Variants in CNTNAP5 observed in about 807,000 individuals in gnomAD.
CNTNAP5 encodes contactin-associated protein-like 5.
CNTNAP5 carries 72 observed loss-of-function variants against 150.2 expected under a neutral mutation model. That is an observed-to-expected ratio of 0.48 (90% CI 0.40 to 0.58). The LOEUF is 0.58. CNTNAP5 is among the 20% of genes least tolerant of loss of function. The pLI is 0.00. For missense variants in CNTNAP5, 1,636 were observed against 1,626.2 expected, an observed-to-expected ratio of 1.01 and a Z score of -0.10; for synonymous variants, 672 against 619.8, an observed-to-expected ratio of 1.08 and a Z score of -1.25.
At chr2:124,720,929 A>G (rs1680035856) in intron 13 of CNTNAP5, among the ~76,000 whole-genome samples, 2 of 152,084 alleles carry the variant, frequency 1.3e-5, no homozygotes, top group African/African-American at 2.4e-5. Flanking sequence ...ATACTTTAAG[A>G]TGGTAAAATT....
intron 14 of CNTNAP5, among the ~76,000 whole-genome samples, chr2:124,753,325 G>A (rs1680770943): frequency 6.6e-6 from 1 of 152,142 alleles, no homozygotes; most frequent in Non-Finnish European, 1.5e-5. Context: ...CTGTTACAGA[G>A]AAATTATTTA....
At chr2:124,123,257 C>T (rs1683610356) in intron 1 of CNTNAP5, among the ~76,000 whole-genome samples, 1 of 152,176 alleles carries the variant, frequency 6.6e-6, no homozygotes, top group African/African-American at 2.4e-5. Context: ...GATTATATCC[C>T]ATGCCTGGCT....
At chr2:124,367,763 A>T (rs752162511) in intron 3 of CNTNAP5, among the ~76,000 whole-genome samples, 5 of 152,236 alleles carry the variant, frequency 3.3e-5, no homozygotes, top group African/African-American at 4.8e-5. Flanking sequence ...GGAAAATTAC[A>T]AAATTCACAA....
rs139166403 is a variant in CNTNAP5, at chr2:124,601,778, A to C, written c.1757-8023A>C. 2.4e-4 allele frequency among the ~76,000 whole-genome samples: 36 copies of C among 152,356 alleles called. 1 individual carries two copies. In the East Asian group the frequency reaches 6.9e-3, roughly 29 times the overall value. ...CAACCCAAATGTTCTTCAGTGGATT[A>C]ATTATTAAACTGTAGTATGTCCATG... On this transcript the variant is annotated intron_variant, in intron 11 of 23. Transcript: ENST00000682447.
At chr2:124,532,933 G>C (rs71428151) in intron 10 of CNTNAP5, among the ~76,000 whole-genome samples, 1,835 of 152,224 alleles carry the variant, frequency 0.012, 25 homozygotes, top group Non-Finnish European at 0.017. Context: ...TCCATGGGGA[G>C]AGAAGAGGCT....
intron 13 of CNTNAP5, among the ~76,000 whole-genome samples, chr2:124,654,598 C>A (rs1678400118): frequency 6.6e-6 from 1 of 152,092 alleles, no homozygotes; most frequent in Non-Finnish European, 1.5e-5. Flanking sequence ...GCTACTTCAC[C>A]CGCTATGTTC....
intron 4 of CNTNAP5, among the ~76,000 whole-genome samples, chr2:124,431,530 A>AT (rs1692381355): frequency 1.7e-5 from 2 of 114,386 alleles, no homozygotes; most frequent in African/African-American, 3.4e-5. Context: ...TATATATATA[A>AT]AATTTCTTTA....
At chr2:124,514,085 G>A (rs150533144) in intron 8 of CNTNAP5, among the ~76,000 whole-genome samples, 2 of 152,210 alleles carry the variant, frequency 1.3e-5, no homozygotes, top group African/African-American at 4.8e-5. Context: ...GGCTGTGACT[G>A]TCACAACAAG....
intron 1 of CNTNAP5, among the ~76,000 whole-genome samples, chr2:124,189,338 G>A (rs1042078582): frequency 2.6e-5 from 4 of 152,256 alleles, no homozygotes; most frequent in Admixed American, 6.5e-5. Context: ...AGCCTTGCTA[G>A]CCAGAATGAC....
At chr2:124,372,828 T>C (rs1198252515) in intron 3 of CNTNAP5, among the ~76,000 whole-genome samples, 1 of 152,064 alleles carries the variant, frequency 6.6e-6, no homozygotes, top group Non-Finnish European at 1.5e-5. Flanking sequence ...GCAACACCCA[T>C]TAACACAGGA....
At chr2:124,700,722 G>C (rs1679503272) in intron 13 of CNTNAP5, among the ~76,000 whole-genome samples, 1 of 151,730 alleles carries the variant, frequency 6.6e-6, no homozygotes, top group African/African-American at 2.4e-5. Flanking sequence ...CTAGGCCCTT[G>C]TCTGATATAT....
chr2:124,432,275 G>A (rs1305984912), intron 4 of CNTNAP5, among the ~76,000 whole-genome samples: 1 of 152,146 alleles, frequency 6.6e-6, no homozygotes, highest in Admixed American at 6.5e-5. Context: ...TGCAAGAAAT[G>A]CCTCACTGGG....
chr2:124,748,493 T>C (rs1215341310), intron 14 of CNTNAP5, among the ~76,000 whole-genome samples: 2 of 152,230 alleles, frequency 1.3e-5, no homozygotes, highest in African/African-American at 4.8e-5. Flanking sequence ...TACTTTTGTT[T>C]TGACTGAATT....
At chr2:124,455,090 A>C (rs1418976033) in intron 6 of CNTNAP5, among the ~76,000 whole-genome samples, 1 of 152,164 alleles carries the variant, frequency 6.6e-6, no homozygotes, top group Admixed American at 6.5e-5. Context: ...GAAAAATACA[A>C]AAGATAAATG....
intron 8 of CNTNAP5, among the ~76,000 whole-genome samples, chr2:124,518,152 A>G (rs1045137178): frequency 6.6e-6 from 1 of 152,180 alleles, no homozygotes. Flanking sequence ...CTACTCTTGT[A>G]AAACAAATTT....
chr2:124,684,102 C>A (rs1019931503), intron 13 of CNTNAP5, among the ~76,000 whole-genome samples: 1 of 152,144 alleles, frequency 6.6e-6, no homozygotes. Context: ...CCATTAGACC[C>A]ACTGTCAGAG....
chr2:124,271,188 G>GA (rs1394447274), intron 3 of CNTNAP5, among the ~76,000 whole-genome samples: 5 of 151,524 alleles, frequency 3.3e-5, no homozygotes, highest in African/African-American at 7.3e-5. Flanking sequence ...GAATAAGTCA[G>GA]AAAAAAATGT....
At chr2:124,258,426 G>A (rs539220427) in intron 3 of CNTNAP5, among the ~76,000 whole-genome samples, 15 of 152,284 alleles carry the variant, frequency 9.9e-5, no homozygotes, top group South Asian at 4.1e-4. Flanking sequence ...TGAATATGTC[G>A]TATAAATGGG....
At chr2:124,140,016 G>T (rs1173110456) in intron 1 of CNTNAP5, among the ~76,000 whole-genome samples, 10 of 152,116 alleles carry the variant, frequency 6.6e-5, no homozygotes, top group South Asian at 4.1e-4. Flanking sequence ...CCGAGTCAAA[G>T]AAAGGGGTGA....
Sources: gnomAD v4.1 joint callset for allele counts (sites outside exome capture counted in the v4.1 genomes callset) on GRCh38, gnomAD v4.1.1 for gene constraint, MANE v1.5 for transcripts, NCBI Gene and HGNC (gene_info 2026-07-23, HGNC 2026-07-21) for gene names.